Variants in COQ5 observed in about 807,000 individuals in gnomAD.
The protein encoded by COQ5 is coenzyme Q5, methyltransferase.
Under a neutral mutation model 40.5 loss-of-function variants are expected in COQ5, and 27 were observed. The ratio of observed to expected loss-of-function variants is 0.67; its 90% CI spans 0.49 to 0.92. The LOEUF is 0.92. COQ5 is among the 40% of genes least tolerant of loss of function. COQ5 has a pLI of 0.00. For missense variants in COQ5, 409 were observed against 406.4 expected (o/e 1.01, Z -0.06); for synonymous variants, 141 against 150.0 (o/e 0.94, Z 0.44).
intron 3 of COQ5, among the ~76,000 whole-genome samples, chr12:120,512,235 T>A (rs1364842670): frequency 1.3e-5 from 2 of 150,650 alleles, no homozygotes; most frequent in Non-Finnish European, 1.5e-5. Flanking sequence ...TAAAATAAAA[T>A]AAAAATAATG....
At chr12:120,522,910 C>T (rs1264445064) in intron 1 of COQ5, 2 of 716,072 alleles carry the variant, frequency 2.8e-6, no homozygotes, top group African/African-American at 1.7e-5. Flanking sequence ...TTGATAGCGT[C>T]AGCACGTGCA....
intron 5 of COQ5, 132 bp from the exon 6 acceptor site, chr12:120,504,213 T>A: frequency 1.5e-6 from 1 of 689,074 alleles, no homozygotes; most frequent in Non-Finnish European, 2.6e-6. Flanking sequence ...GAACCTGAAT[T>A]AAGTGGGTCA....
At chr12:120,526,698 A>ATTTTTT (rs61584250) in intron 1 of COQ5, among the ~76,000 whole-genome samples, 697 of 64,140 alleles carry the variant, frequency 0.011, 128 homozygotes, top group African/African-American at 0.022. Context: ...ACTCTTGGCA[A>ATTTTTT]TTTTTTTTTT....
chr12:120,529,031 T>C lies in COQ5; in HGVS notation c.111A>G (p.Leu37=). The change falls in exon 1 of 7, where the codon CTA becomes CTG. Residue 37 remains leucine (L), a synonymous_variant. Transcript: ENST00000288532. ...CTTGGGACAAGAGCCGAGCACTTAGTAGGTCCCCGGGCCAAGAGCTACGAA... is the reference window on the plus strand; with the variant it reads ...CTTGGGACAAGAGCCGAGCACTTAGCAGGTCCCCGGGCCAAGAGCTACGAA... ...LGLRSSWPGD[L]LSARLLSQEK... 2.5e-6 allele frequency: 4 copies of C among 1,614,062 alleles called. No individual in the cohort carries two copies. The highest frequency in any genetic ancestry group is 3.4e-6 in the Non-Finnish European group (4 of 1,180,020).
chr12:120,513,140 C>T (rs190373848), intron 3 of COQ5, among the ~76,000 whole-genome samples: 16 of 149,136 alleles, frequency 1.1e-4, no homozygotes, highest in African/African-American at 3.9e-4. Flanking sequence ...CTAAGATCTT[C>T]CATTTGGGAA....
chr12:120,509,912 C>G (rs1021099139), intron 4 of COQ5, 105 bp downstream of exon 4: 1 of 868,274 alleles, frequency 1.2e-6, no homozygotes, highest in Non-Finnish European at 1.9e-6. Context: ...ATACCAAGAC[C>G]CCATCTCAAA....
intron 1 of COQ5, among the ~76,000 whole-genome samples, chr12:120,527,656 GTTGATTATACA>G (rs1188497270): frequency 2.0e-5 from 3 of 151,992 alleles, no homozygotes; most frequent in Admixed American, 6.6e-5. Flanking sequence ...TGTGTGAAAT[GTTGATTATACA>G]TTGATTATAC....
At chr12:120,508,232 G>T (rs1868971346) in intron 4 of COQ5, among the ~76,000 whole-genome samples, 1 of 151,918 alleles carries the variant, frequency 6.6e-6, no homozygotes. Flanking sequence ...CTGACCTCGT[G>T]ATCTGCCCAC....
chr12:120,518,356 G>T (rs928394808), intron 2 of COQ5, among the ~76,000 whole-genome samples: 2 of 151,370 alleles, frequency 1.3e-5, no homozygotes, highest in Non-Finnish European at 2.9e-5. Flanking sequence ...TGAGGCCTGG[G>T]GGGTGGAGGT....
At chr12:120,528,911 C>T (rs1305529722) in intron 1 of COQ5, 29 bp downstream of exon 1, 1 of 1,602,908 alleles carries the variant, frequency 6.2e-7, no homozygotes, top group Admixed American at 1.7e-5. Flanking sequence ...CGGTCAGATC[C>T]CTCCCATCCG....
At chr12:120,517,954 T>C (rs1253735067) in intron 2 of COQ5, among the ~76,000 whole-genome samples, 2 of 151,878 alleles carry the variant, frequency 1.3e-5, no homozygotes, top group Admixed American at 1.3e-4. Flanking sequence ...ATCACAGGCA[T>C]GTGCCACCAA....
rs1869770337 is a variant in COQ5, at chr12:120,523,350, T to C, written c.203-987A>G. On this transcript the variant is annotated intron_variant, in intron 1 of 6. Transcript: ENST00000288532. ...AGACTCCGTCTCAAAGAAAAAAAAA[T>C]AGGATTCATATCTTTGTGATCGGGG... The C allele has an allele frequency of 9.2e-6, 3 of 325,900 alleles. No homozygotes were observed. The Admixed American group carries it at 1.0e-4, about 11-fold the overall frequency. 20.2% of individuals were successfully genotyped at this position (325,900 alleles called of 1,614,324 possible). A position where few individuals can be genotyped will look rare whatever the true frequency, so the allele number is the denominator to read the frequency against.
At chr12:120,519,361 C>G (rs1421592587) in intron 2 of COQ5, among the ~76,000 whole-genome samples, 1 of 151,986 alleles carries the variant, frequency 6.6e-6, no homozygotes, top group African/African-American at 2.4e-5. Flanking sequence ...GAATTTGAGG[C>G]CAGCCTGGCC....
At chr12:120,520,319 A>ATTTTATTT (rs1216145173) in intron 2 of COQ5, among the ~76,000 whole-genome samples, 2 of 94,396 alleles carry the variant, frequency 2.1e-5, no homozygotes, top group African/African-American at 8.1e-5. Flanking sequence ...TTTTTATTTT[A>ATTTTATTT]TTTTATTTTT....
At chr12:120,514,600 G>A (rs567472858) in intron 3 of COQ5, among the ~76,000 whole-genome samples, 1 of 151,900 alleles carries the variant, frequency 6.6e-6, no homozygotes, top group South Asian at 2.1e-4. Flanking sequence ...AAAATTAGCC[G>A]GGTATGGTGC....
At position 120,525,148 on chromosome 12, in the gene COQ5, G is replaced by A. The variant is rs147555939; in HGVS notation, c.203-2785C>T. Reference sequence around the variant, plus strand: ...GGCGTCTAGCTCTGTCGCCCAGGCTGGGGTACAGTGGCGCAATCTCGGCTC... The same window carrying A: ...GGCGTCTAGCTCTGTCGCCCAGGCTAGGGTACAGTGGCGCAATCTCGGCTC... On this transcript the variant is annotated intron_variant, in intron 1 of 6. Transcript: ENST00000288532. Among the ~76,000 whole-genome samples, 1,297 of 152,142 alleles carry A rather than the reference G, an allele frequency of 8.5e-3. 20 individuals carry two copies. The highest frequency in any genetic ancestry group is 0.03 in the African/African-American group (1,258 of 41,492).
intron 1 of COQ5, among the ~76,000 whole-genome samples, chr12:120,525,947 T>C (rs549252756): frequency 6.6e-6 from 1 of 152,038 alleles, no homozygotes; most frequent in African/African-American, 2.4e-5. Flanking sequence ...TATAAATAAA[T>C]AAATAAATAA....
At chr12:120,507,273 G>T (rs1049467824) in intron 4 of COQ5, among the ~76,000 whole-genome samples, 2 of 150,264 alleles carry the variant, frequency 1.3e-5, no homozygotes, top group African/African-American at 4.9e-5. Flanking sequence ...AATATAAATG[G>T]AATCTATTCA....
intron 4 of COQ5, 126 bp downstream of exon 4, chr12:120,509,891 G>A: frequency 1.3e-6 from 1 of 743,344 alleles, no homozygotes; most frequent in Non-Finnish European, 2.4e-6. Context: ...TTTGAGACTA[G>A]CCTGGGCAAC....
Sources: allele counts gnomAD v4.1 joint callset (sites outside exome capture counted in the v4.1 genomes callset), GRCh38; gene constraint gnomAD v4.1.1; transcripts MANE v1.5; gene names NCBI Gene and HGNC (gene_info 2026-07-23, HGNC 2026-07-21).